SPON1: variants seen among roughly 807,000 people sequenced by gnomAD.
The protein encoded by SPON1 is spondin-1.
Under a neutral mutation model 111.7 loss-of-function variants are expected in SPON1, and 52 were observed. The ratio of observed to expected loss-of-function variants is 0.47; its 90% CI spans 0.37 to 0.59. The LOEUF (loss-of-function observed/expected upper bound fraction) is 0.59. Among genes scored for constraint, SPON1 ranks in the 20% least tolerant of loss-of-function variants. The pLI, the probability that SPON1 is intolerant of heterozygous loss-of-function variation, is 0.00. For missense variants in SPON1, 957 were observed against 1,068.5 expected (o/e 0.90, Z 1.46); for synonymous variants, 410 against 395.8 (o/e 1.04, Z -0.43).
At chr11:14,101,424 A>C (rs1490080063) in intron 5 of SPON1, among the ~76,000 whole-genome samples, 4 of 151,870 alleles carry the variant, frequency 2.6e-5, no homozygotes, top group African/African-American at 9.7e-5. Context: ...ATTTAAAAAT[A>C]ATAATAAAAT....
intron 5 of SPON1, among the ~76,000 whole-genome samples, chr11:14,131,516 A>G (rs1847529966): frequency 6.6e-6 from 1 of 152,126 alleles, no homozygotes; most frequent in Non-Finnish European, 1.5e-5. Context: ...CCCTCCTTCC[A>G]ACTGGAAAGT....
At chr11:14,121,414 G>A (rs1554926500) in intron 5 of SPON1, among the ~76,000 whole-genome samples, 1 of 152,196 alleles carries the variant, frequency 6.6e-6, no homozygotes, top group Admixed American at 6.5e-5. Flanking sequence ...ACAAACATCA[G>A]TTTAAAGATT....
At chr11:14,146,214 G>A (rs1056631755) in intron 6 of SPON1, among the ~76,000 whole-genome samples, 29 of 145,846 alleles carry the variant, frequency 2.0e-4, no homozygotes, top group Non-Finnish European at 3.6e-4. Flanking sequence ...CAGTGGCACC[G>A]TGTTGGCTCA....
At chr11:14,257,352 T>C (rs1554941325) in intron 10 of SPON1, among the ~76,000 whole-genome samples, 1 of 152,164 alleles carries the variant, frequency 6.6e-6, no homozygotes, top group East Asian at 1.9e-4. Flanking sequence ...TATGGGATCA[T>C]TGGGAAGATG....
intron 2 of SPON1, among the ~76,000 whole-genome samples, chr11:14,026,451 G>A (rs1476120830): frequency 6.6e-6 from 1 of 152,190 alleles, no homozygotes; most frequent in Non-Finnish European, 1.5e-5. Flanking sequence ...GTCTGCCATT[G>A]TCACTCTAAA....
intron 5 of SPON1, among the ~76,000 whole-genome samples, chr11:14,122,412 A>T (rs1554926587): frequency 1.3e-5 from 2 of 152,134 alleles, no homozygotes. Flanking sequence ...TGACCTCGTG[A>T]TCTGCCCGCC....
At chr11:14,080,665 A>C (rs1283546275) in intron 5 of SPON1, among the ~76,000 whole-genome samples, 1 of 152,190 alleles carries the variant, frequency 6.6e-6, no homozygotes, top group Non-Finnish European at 1.5e-5. Flanking sequence ...ACCTGCTGGA[A>C]ATAGCGGCAA....
chr11:13,994,059 G>A (rs1554911497), intron 2 of SPON1, among the ~76,000 whole-genome samples: 1 of 152,030 alleles, frequency 6.6e-6, no homozygotes, highest in Non-Finnish European at 1.5e-5. Context: ...AACTATTTTT[G>A]TGATCTCTAC....
intron 6 of SPON1, among the ~76,000 whole-genome samples, chr11:14,187,642 T>G (rs1388633480): frequency 2.0e-5 from 3 of 152,076 alleles, no homozygotes; most frequent in Non-Finnish European, 4.4e-5. Flanking sequence ...TGAGTCAGAG[T>G]CTCGATCTGT....
intron 6 of SPON1, among the ~76,000 whole-genome samples, chr11:14,178,308 G>T (rs1224895770): frequency 6.6e-6 from 1 of 151,864 alleles, no homozygotes; most frequent in Non-Finnish European, 1.5e-5. Flanking sequence ...TGTAGTCCCA[G>T]CTACTCGGGA....
At position 14,178,045 on chromosome 11, in the gene SPON1, A is replaced by AACACACACACACACACACACACACACAC. The variant is rs5789825; in HGVS notation, c.825+42480_825+42507dup. On this transcript the variant is annotated intron_variant, in intron 6 of 15. Transcript: ENST00000576479. ...CTCACTGTTGTAAAACACACACACA[A>AACACACACACACACACACACACACACAC]ACACACACACACACACACACACACA... Among the ~76,000 whole-genome samples the AACACACACACACACACACACACACACAC allele has an allele frequency of 2.6e-4, 37 of 142,642 alleles. 1 individual carries two copies. The highest frequency in any genetic ancestry group is 7.0e-4 in the South Asian group (3 of 4,262). 93.6% of individuals were successfully genotyped at this position (142,642 alleles called of 152,430 possible).
chr11:14,143,051 A>G (rs1167585480), intron 6 of SPON1, among the ~76,000 whole-genome samples: 2 of 152,244 alleles, frequency 1.3e-5, no homozygotes, highest in African/African-American at 4.8e-5. Flanking sequence ...TGGTAGCCAT[A>G]GGATCTTCCT....
At chr11:14,167,608 C>A (rs1848045480) in intron 6 of SPON1, among the ~76,000 whole-genome samples, 1 of 151,986 alleles carries the variant, frequency 6.6e-6, no homozygotes, top group Non-Finnish European at 1.5e-5. Context: ...AATGTTAAAG[C>A]TAGTTATTTA....
intron 6 of SPON1, among the ~76,000 whole-genome samples, chr11:14,188,328 TAA>T (rs1848309451): frequency 1.3e-5 from 2 of 152,262 alleles, no homozygotes; most frequent in South Asian, 4.1e-4. Flanking sequence ...TTTCAGAAGA[TAA>T]GTCCTGGACA....
intron 2 of SPON1, among the ~76,000 whole-genome samples, chr11:13,984,034 C>T (rs940958697): frequency 2.0e-5 from 3 of 152,142 alleles, no homozygotes; most frequent in Non-Finnish European, 4.4e-5. Context: ...ATTCCACGCT[C>T]ACCGTAATGT....
intron 3 of SPON1, among the ~76,000 whole-genome samples, chr11:14,050,793 A>G (rs543252330): frequency 2.8e-4 from 43 of 152,306 alleles, no homozygotes; most frequent in African/African-American, 9.1e-4. Context: ...TGCCCAGGGT[A>G]AACCGGGGAA....
chr11:13,990,786 G>A (rs937886159), intron 2 of SPON1, among the ~76,000 whole-genome samples: 5 of 152,018 alleles, frequency 3.3e-5, no homozygotes, highest in African/African-American at 4.8e-5. Flanking sequence ...AAATCTCTCA[G>A]CATTTGCTTG....
chr11:14,222,168 GC>G (rs1476391310), intron 6 of SPON1, among the ~76,000 whole-genome samples: 3 of 152,210 alleles, frequency 2.0e-5, no homozygotes, highest in Non-Finnish European at 4.4e-5. Context: ...TTCAGACCAT[GC>G]TTTTTCCCAT....
chr11:14,045,699 A>G (rs1848663696), intron 3 of SPON1, among the ~76,000 whole-genome samples: 1 of 150,022 alleles, frequency 6.7e-6, no homozygotes, highest in East Asian at 1.9e-4. Flanking sequence ...ATATTTACAT[A>G]CATATAAAAT....
Sources: allele counts gnomAD v4.1 joint callset (sites outside exome capture counted in the v4.1 genomes callset), GRCh38; gene constraint gnomAD v4.1.1; transcripts MANE v1.5; gene names NCBI Gene and HGNC (gene_info 2026-07-23, HGNC 2026-07-21).